Variants in SDK2 observed in about 807,000 individuals in gnomAD.
SDK2 encodes sidekick cell adhesion molecule 2.
SDK2 carries 105 observed loss-of-function variants against 253.9 expected under a neutral mutation model. That is an observed-to-expected ratio of 0.41 (90% CI 0.35 to 0.49). SDK2 has a LOEUF of 0.49. Ranked by LOEUF, SDK2 falls within the 20% of genes least tolerant of loss-of-function variation. The pLI, the probability that SDK2 is intolerant of heterozygous loss-of-function variation, is 0.06. For synonymous variants in SDK2, 1,249 were observed against 1,234.9 expected, an observed-to-expected ratio of 1.01 and a Z score of -0.24; for missense variants, 2,608 against 3,003.0, an observed-to-expected ratio of 0.87 and a Z score of 3.07.
At position 73,549,882 on chromosome 17, in the gene SDK2, C is replaced by T. The variant is rs374341906; in HGVS notation, c.65-42285G>A. Among the ~76,000 whole-genome samples, 22 of 152,218 alleles carry T rather than the reference C, an allele frequency of 1.4e-4. No homozygotes were observed. The South Asian group carries it at 3.7e-3, about 26-fold the overall frequency. Reference sequence around the variant, plus strand: ...AACAGAAAGATCACTCTGGCTGCAACGTAGTGGGGAACGCCAAGTGGGACC... The same window carrying T: ...AACAGAAAGATCACTCTGGCTGCAATGTAGTGGGGAACGCCAAGTGGGACC... On this transcript the variant is annotated intron_variant, in intron 1 of 44. Transcript: ENST00000392650.
intron 1 of SDK2, among the ~76,000 whole-genome samples, chr17:73,608,737 C>T (rs2045937963): frequency 6.6e-6 from 1 of 152,146 alleles, no homozygotes. Context: ...GCCACTGTGC[C>T]AGGCCTAAAA....
At position 73,430,472 on chromosome 17, in the gene SDK2, C is replaced by T. The variant is rs776377647; in HGVS notation, c.1583+39G>A. 3 of 1,478,422 alleles carry T rather than the reference C, an allele frequency of 2.0e-6. No individual in the cohort carries two copies. The South Asian group carries it at 3.6e-5, about 18-fold the overall frequency. 91.6% of individuals were successfully genotyped at this position (1,478,422 alleles called of 1,614,324 possible). A position where few individuals can be genotyped will look rare whatever the true frequency, so the allele number is the denominator to read the frequency against. On this transcript the variant is annotated intron_variant, in intron 12 of 44. Transcript: ENST00000392650. Reference sequence around the variant, plus strand: ...GCTACAAGCTATTGCCAGAGGCTCCCCCTCCCCTCTTGCCTGGAGTCAACA... The same window carrying T: ...GCTACAAGCTATTGCCAGAGGCTCCTCCTCCCCTCTTGCCTGGAGTCAACA...
At position 73,496,730 on chromosome 17, in the gene SDK2, C is replaced by G. The variant is rs1260980724; in HGVS notation, c.224+10708G>C. ...GGGCAACTGGCTCAACCTGTCATGC[C>G]CCTTCCAGTCTCCAATTCTTGATTC... On this transcript the variant is annotated intron_variant, in intron 2 of 44. Transcript: ENST00000392650. The surrounding 1 kb of genome is among the most constrained non-coding windows in gnomAD (Gnocchi z 4.7). 6.6e-6 allele frequency among the ~76,000 whole-genome samples: 1 copy of G among 152,052 alleles called. No homozygotes were observed. The highest frequency in any genetic ancestry group is 1.5e-5 in the Non-Finnish European group (1 of 68,026).
rs1322289451 is a variant in SDK2, at chr17:73,496,915, GA to G, written c.224+10522del. The stretch of plus-strand genomic sequence containing the variant: ...ATTTATTTGTTTTTATTTATGTTTT[GA>G]GATGGGGTCTCGCTTTGTCGCCTAG... On this transcript the variant is annotated intron_variant, in intron 2 of 44. Transcript: ENST00000392650. This position sits in a 1 kb window ranked among gnomAD's most constrained non-coding sequence, Gnocchi z 4.7. 6.6e-6 allele frequency among the ~76,000 whole-genome samples: 1 copy of G among 152,036 alleles called. No individual in the cohort carries two copies. The highest frequency in any genetic ancestry group is 1.9e-4 in the East Asian group (1 of 5,184).
rs926611897 is a variant in SDK2, at chr17:73,481,668, G to A, written c.225-9450C>T. Among the ~76,000 whole-genome samples the A allele has an allele frequency of 6.6e-6, 1 of 152,178 alleles. No individual in the cohort carries two copies. The highest frequency in any genetic ancestry group is 1.5e-5 in the Non-Finnish European group (1 of 68,032). The stretch of plus-strand genomic sequence containing the variant: ...ACTGAGGGCTCGGATGGCACAAAAA[G>A]GCGGAGGGAGGAGGAATGTGCTGTC... On this transcript the variant is annotated intron_variant, in intron 2 of 44. Coordinates refer to ENST00000392650, the MANE Select transcript of SDK2 (RefSeq NM_001144952.2). The surrounding 1 kb of genome is among the most constrained non-coding windows in gnomAD (Gnocchi z 4.5).
At chr17:73,617,248 GCCT>G (rs1163765965) in intron 1 of SDK2, among the ~76,000 whole-genome samples, 1 of 145,792 alleles carries the variant, frequency 6.9e-6, no homozygotes, top group Non-Finnish European at 1.5e-5. Flanking sequence ...GAGGGGAGAG[GCCT>G]CCTGCAGAGG....
At chr17:73,418,805 C>T (rs1335477151) in intron 16 of SDK2, among the ~76,000 whole-genome samples, 1 of 152,156 alleles carries the variant, frequency 6.6e-6, no homozygotes, top group African/African-American at 2.4e-5. Context: ...GCTGGTTTCT[C>T]CACTCACGGG....
chr17:73,499,334 C>A (rs1044320965), intron 2 of SDK2, among the ~76,000 whole-genome samples: 5 of 152,272 alleles, frequency 3.3e-5, no homozygotes, highest in African/African-American at 1.2e-4. Flanking sequence ...CTTCTCCCAG[C>A]TGCCAAGCCC....
chr17:73,393,617 G>T lies in SDK2; in HGVS notation c.3841C>A (p.Arg1281Ser), dbSNP rs370092088. 1 of 1,591,602 alleles carries T rather than the reference G, an allele frequency of 6.3e-7. No homozygotes were observed. The highest frequency in any genetic ancestry group is 8.6e-7 in the Non-Finnish European group (1 of 1,163,824). Residue 1281 changes from arginine to serine, a missense_variant, in exon 27 of 45, where the codon CGC (arginine) becomes AGC (serine). By Grantham distance (110) the Arg-to-Ser change is moderately radical (BLOSUM62 -1). Transcript: ENST00000392650. ...TGGCTGGGGCTGCCGTCCCCGATGCGTGTGAAGGCCAGCACCTGGACTTCA... is the reference window on the plus strand; with the variant it reads ...TGGCTGGGGCTGCCGTCCCCGATGCTTGTGAAGGCCAGCACCTGGACTTCA... Reference protein sequence around the residue: ...LYEVQVLAFTRIGDGSPSHPP... With the variant: ...LYEVQVLAFTSIGDGSPSHPP...
intron 3 of SDK2, 60 bp from the exon 4 acceptor site, chr17:73,456,113 A>G: frequency 7.1e-7 from 1 of 1,416,542 alleles, no homozygotes; most frequent in South Asian, 1.5e-5. Flanking sequence ...GGGACTGCCC[A>G]GCTCCCAGGT....
chr17:73,487,991 TCTGTATAA>T (rs1260973920), intron 2 of SDK2, among the ~76,000 whole-genome samples: 5 of 151,868 alleles, frequency 3.3e-5, no homozygotes, highest in African/African-American at 1.2e-4. Flanking sequence ...GGACACTCCA[TCTGTATAA>T]CGGGCAAAGT....
chr17:73,408,046 C>CTTTTTTTTTTTTTTTTTTTTTTTTTT lies in SDK2; in HGVS notation c.2485-5906_2485-5905insAAAAAAAAAAAAAAAAAAAAAAAAAA, dbSNP rs373774628. Among the ~76,000 whole-genome samples the CTTTTTTTTTTTTTTTTTTTTTTTTTT allele has an allele frequency of 2.0e-4, 10 of 50,950 alleles. 5 individuals are homozygous for CTTTTTTTTTTTTTTTTTTTTTTTTTT. The highest frequency in any genetic ancestry group is 1.4e-4 in the African/African-American group (2 of 14,232). The allele number at this position is 50,950 out of a possible 152,430, so 33.4% of individuals were successfully genotyped here. ...ACACCATCTAGGAAGTAAAATATTTCCTTTTTTTTTTTTTTTTTCTTTTGA... is the reference window on the plus strand; with the variant it reads ...ACACCATCTAGGAAGTAAAATATTTCTTTTTTTTTTTTTTTTTTTTTTTTTTCTTTTTTTTTTTTTTTTTCTTTTGA... On this transcript the variant is annotated intron_variant, in intron 18 of 44. Transcript: ENST00000392650.
At chr17:73,363,525 A>G (rs958298651) in intron 38 of SDK2, among the ~76,000 whole-genome samples, 1 of 152,188 alleles carries the variant, frequency 6.6e-6, no homozygotes, top group Non-Finnish European at 1.5e-5. Context: ...TTTTCCCTAC[A>G]GGACAGTGGG....
chr17:73,515,519 G>A (rs2064018686), intron 1 of SDK2, among the ~76,000 whole-genome samples: 1 of 152,240 alleles, frequency 6.6e-6, no homozygotes, highest in Non-Finnish European at 1.5e-5. Flanking sequence ...AGAAGAGACT[G>A]GTCCGCCCAG....
Position 73,445,011 on chromosome 17 carries a change from T to A in SDK2, c.613+2604A>T, listed in dbSNP as rs370977357. ...ATTTAATTAAGAATGGATCCCCAAT[T>A]CAGTTATTAGAACACTTTTAAGCAT... On this transcript the variant is annotated intron_variant, in intron 5 of 44. Coordinates refer to ENST00000392650, the MANE Select transcript of SDK2 (RefSeq NM_001144952.2). Among the ~76,000 whole-genome samples, 8 of 152,228 alleles carry A rather than the reference T, an allele frequency of 5.3e-5. No homozygotes were observed. In the East Asian group the frequency reaches 1.2e-3, roughly 22 times the overall value.
intron 1 of SDK2, among the ~76,000 whole-genome samples, chr17:73,578,381 A>G (rs543593096): frequency 6.6e-6 from 1 of 152,268 alleles, no homozygotes; most frequent in South Asian, 2.1e-4. Context: ...TCTTGATTTT[A>G]GCCCAGTGAG....
chr17:73,591,930 C>G (rs1041599487), intron 1 of SDK2, among the ~76,000 whole-genome samples: 7 of 152,040 alleles, frequency 4.6e-5, no homozygotes, highest in Non-Finnish European at 8.8e-5. Flanking sequence ...AGCGGAGACT[C>G]GAGGAGAGAT....
Position 73,469,548 on chromosome 17 carries a change from G to A in SDK2, c.331+2564C>T, listed in dbSNP as rs551603056. Among the ~76,000 whole-genome samples, 315 of 152,318 alleles carry A rather than the reference G, an allele frequency of 2.1e-3. 1 individual carries two copies. The highest frequency in any genetic ancestry group is 4.1e-3 in the Admixed American group (63 of 15,302). Reference sequence around the variant, plus strand: ...GCCAGGACCTTTGCCCATGATCAGTGCAACTTGCTTGCTCGCCCTGCAGAT... The same window carrying A: ...GCCAGGACCTTTGCCCATGATCAGTACAACTTGCTTGCTCGCCCTGCAGAT... On this transcript the variant is annotated intron_variant, in intron 3 of 44. Coordinates refer to ENST00000392650, the MANE Select transcript of SDK2 (RefSeq NM_001144952.2).
intron 18 of SDK2, among the ~76,000 whole-genome samples, chr17:73,411,659 A>T (rs2047466): frequency 3.9e-5 from 6 of 152,142 alleles, no homozygotes; most frequent in Non-Finnish European, 8.8e-5. Flanking sequence ...CGGGGCCCAC[A>T]TGGAATGACA....
Sources: allele counts gnomAD v4.1 joint callset (sites outside exome capture counted in the v4.1 genomes callset), GRCh38; gene constraint gnomAD v4.1.1; non-coding constraint Gnocchi (gnomAD v3.1); transcripts MANE v1.5; gene names NCBI Gene and HGNC (gene_info 2026-07-23, HGNC 2026-07-21).